Variants in FAM174B observed in about 807,000 individuals in gnomAD.
FAM174B encodes membrane protein FAM174B.
A neutral mutation model predicts 10.9 loss-of-function variants in FAM174B; 12 were observed. The observed-to-expected ratio is 1.10, with a 90% CI of 0.71 to 1.79. The LOEUF (loss-of-function observed/expected upper bound fraction) is 1.79, where lower values mean the gene tolerates loss of function less well. FAM174B is among the 40% of genes most tolerant of loss of function. FAM174B has a pLI of 0.00. For synonymous variants in FAM174B, 132 were observed against 115.8 expected (o/e 1.14, Z -0.90); for missense variants, 266 against 233.3 (o/e 1.14, Z -0.91).
intron 2 of FAM174B, among the ~76,000 whole-genome samples, chr15:92,628,800 T>C (rs374045535): frequency 6.6e-6 from 1 of 152,152 alleles, no homozygotes; most frequent in East Asian, 1.9e-4. Flanking sequence ...TGAGTATAAA[T>C]AGTACTTTAA....
chr15:92,641,514 A>G (rs426798), intron 1 of FAM174B, among the ~76,000 whole-genome samples: 143,796 of 152,146 alleles, frequency 0.95, 68,515 homozygotes, highest in East Asian at 1. Context: ...ATAACCACTC[A>G]GACACACAAG....
intron 2 of FAM174B, among the ~76,000 whole-genome samples, chr15:92,625,257 A>G (rs1170225445): frequency 6.6e-6 from 1 of 152,102 alleles, no homozygotes. Flanking sequence ...TCGAGAAAAA[A>G]AAGCCTGTCT....
chr15:92,631,176 ATAT>A (rs2050798554), intron 1 of FAM174B, among the ~76,000 whole-genome samples: 2 of 26,624 alleles, frequency 7.5e-5, no homozygotes, highest in African/African-American at 1.9e-4. Context: ...AATAATTTAT[ATAT>A]TATATTATAT....
At chr15:92,649,167 G>T (rs2050948235) in intron 1 of FAM174B, among the ~76,000 whole-genome samples, 1 of 152,212 alleles carries the variant, frequency 6.6e-6, no homozygotes, top group Non-Finnish European at 1.5e-5. Context: ...AAGCCTACAT[G>T]GGCATGAAAG....
intron 1 of FAM174B, among the ~76,000 whole-genome samples, chr15:92,637,318 A>T (rs2050862395): frequency 6.6e-6 from 1 of 152,224 alleles, no homozygotes; most frequent in Non-Finnish European, 1.5e-5. Flanking sequence ...ACAGAAAGTA[A>T]AGGCAATATG....
intron 1 of FAM174B, among the ~76,000 whole-genome samples, chr15:92,632,021 GGGA>G: frequency 6.6e-6 from 1 of 152,276 alleles, no homozygotes; most frequent in Non-Finnish European, 1.5e-5. Flanking sequence ...AACCAGGTGA[GGGA>G]AAATTGCATG....
chr15:92,620,259 G>A (rs1007604988), intron 2 of FAM174B, among the ~76,000 whole-genome samples: 1 of 152,234 alleles, frequency 6.6e-6, no homozygotes, highest in Non-Finnish European at 1.5e-5. Context: ...AGCACTTTGG[G>A]AGGCCGAGGC....
chr15:92,654,105 T>G (rs1008850149), intron 1 of FAM174B, among the ~76,000 whole-genome samples: 11 of 152,224 alleles, frequency 7.2e-5, no homozygotes, highest in African/African-American at 2.7e-4. Flanking sequence ...TTTCTCCATT[T>G]TCTCAGACCA....
chr15:92,632,318 G>A (rs1198762654), intron 1 of FAM174B, among the ~76,000 whole-genome samples: 1 of 152,206 alleles, frequency 6.6e-6, no homozygotes, highest in African/African-American at 2.4e-5. Context: ...GCCAAGTCAG[G>A]TGGATCACAA....
chr15:92,624,477 G>A (rs2050740325), intron 2 of FAM174B, among the ~76,000 whole-genome samples: 2 of 152,226 alleles, frequency 1.3e-5, no homozygotes, highest in African/African-American at 4.8e-5. Flanking sequence ...ACTGCCATGA[G>A]GGCGTCCATG....
chr15:92,625,041 G>T (rs1006162148), intron 2 of FAM174B, among the ~76,000 whole-genome samples: 1 of 152,208 alleles, frequency 6.6e-6, no homozygotes. Flanking sequence ...CCTCTTGAAA[G>T]AACCATTTCA....
chr15:92,651,972 C>T (rs75336998), intron 1 of FAM174B, among the ~76,000 whole-genome samples: 3,186 of 152,268 alleles, frequency 0.021, 112 homozygotes, highest in African/African-American at 0.072. Context: ...CCATTTTATA[C>T]GCAATCATAC....
chr15:92,635,729 T>C (rs993593614), intron 1 of FAM174B, among the ~76,000 whole-genome samples: 2 of 151,940 alleles, frequency 1.3e-5, no homozygotes, highest in East Asian at 3.9e-4. Flanking sequence ...TACAGGCGCC[T>C]GCCACCATGC....
chr15:92,640,105 T>A (rs972474948), intron 1 of FAM174B, among the ~76,000 whole-genome samples: 7 of 152,132 alleles, frequency 4.6e-5, no homozygotes, highest in Non-Finnish European at 1.0e-4. Context: ...TAACCACCCA[T>A]ATCTCACACT....
chr15:92,650,180 A>T (rs1358342583), intron 1 of FAM174B, among the ~76,000 whole-genome samples: 2 of 152,208 alleles, frequency 1.3e-5, no homozygotes, highest in African/African-American at 4.8e-5. Flanking sequence ...TCTTATAACA[A>T]ATGTAAATAC....
intron 2 of FAM174B, among the ~76,000 whole-genome samples, chr15:92,623,948 C>T (rs1204575488): frequency 6.6e-6 from 1 of 152,090 alleles, no homozygotes; most frequent in Non-Finnish European, 1.5e-5. Flanking sequence ...TCCTTCCTTC[C>T]CTCTTTTCTT....
chr15:92,619,118 A>T lies in FAM174B; in HGVS notation c.*338T>A. 1 of 672,562 alleles carries T rather than the reference A, an allele frequency of 1.5e-6. No individual in the cohort carries two copies. Among genetic ancestry groups the T allele is most frequent in the Non-Finnish European group, 2.7e-6 (1 of 370,124 alleles). The allele number at this position is 672,562 out of a possible 1,614,324, so 41.7% of individuals were successfully genotyped here. ...CCTGATCTCTTTTACTATTGTCAAC[A>T]ATTGTCTTAAAAAAACTTCTTTAAA... On this transcript the variant is annotated 3_prime_UTR_variant, in exon 3 of 3. Transcript: ENST00000327355.
chr15:92,631,482 T>TTG (rs1555421195), intron 1 of FAM174B, among the ~76,000 whole-genome samples: 7 of 56,248 alleles, frequency 1.2e-4, no homozygotes, highest in Non-Finnish European at 2.1e-4. Flanking sequence ...TTATAATATA[T>TTG]TATATATATA....
At chr15:92,640,937 G>T (rs769284900) in intron 1 of FAM174B, among the ~76,000 whole-genome samples, 1 of 152,108 alleles carries the variant, frequency 6.6e-6, no homozygotes, top group East Asian at 1.9e-4. Flanking sequence ...GAGCCACCGC[G>T]CCTGGCTAAC....
Sources: allele counts gnomAD v4.1 joint callset (sites outside exome capture counted in the v4.1 genomes callset), GRCh38; gene constraint gnomAD v4.1.1; transcripts MANE v1.5; gene names NCBI Gene and HGNC (gene_info 2026-07-23, HGNC 2026-07-21).